THUMPD1: variants seen among roughly 807,000 people sequenced by gnomAD.
THUMPD1 encodes THUMP domain 1 NAT10 acetyltransferase adaptor.
THUMPD1 carries 31 observed loss-of-function variants against 31.6 expected under a neutral mutation model. The observed-to-expected ratio is 0.98, with a 90% CI of 0.74 to 1.32. The LOEUF (loss-of-function observed/expected upper bound fraction) is 1.32, where lower values mean the gene tolerates loss of function less well. THUMPD1 is among the 40% of genes most tolerant of loss of function. The pLI, the probability that THUMPD1 is intolerant of heterozygous loss-of-function variation, is 0.00. For missense variants in THUMPD1, 446 were observed against 427.8 expected, an observed-to-expected ratio of 1.04 and a Z score of -0.38; for synonymous variants, 166 against 158.2, an observed-to-expected ratio of 1.05 and a Z score of -0.37.
At chr16:20,737,339 T>C (rs1255536386) in intron 3 of THUMPD1, 53 bp from the exon 4 acceptor site, 57 of 1,518,656 alleles carry the variant, frequency 3.8e-5, no homozygotes, top group Middle Eastern at 1.8e-4. Context: ...TTACATCTGA[T>C]AGATACAAAA....
intron 3 of THUMPD1, 37 bp from the exon 4 acceptor site, chr16:20,737,323 A>T (rs2079879629): frequency 6.4e-7 from 1 of 1,561,512 alleles, no homozygotes; most frequent in Non-Finnish European, 8.6e-7. Flanking sequence ...GCTGAGGAGG[A>T]TACCATTACA....
chr16:20,735,627 G>C lies in THUMPD1; in HGVS notation c.*1253C>G, dbSNP rs550248282. ...CAGACCTCTGGTTATCAGATATGAT[G>C]TCACAACATTATATATTGGCCTTTG... On this transcript the variant is annotated 3_prime_UTR_variant, in exon 4 of 4. Transcript: ENST00000396083. 1 of 151,820 alleles carries C rather than the reference G, an allele frequency of 6.6e-6. No individual in the cohort carries two copies. The highest frequency in any genetic ancestry group is 2.1e-4 in the South Asian group (1 of 4,806). The allele number at this position is 151,820 out of a possible 1,614,324, so 9.4% of individuals were successfully genotyped here. A position where few individuals can be genotyped will look rare whatever the true frequency, so the allele number is the denominator to read the frequency against.
At position 20,741,666 on chromosome 16, in the gene THUMPD1, G is replaced by C; in HGVS notation, c.74C>G (p.Ala25Gly). The C allele has an allele frequency of 6.3e-7, 1 of 1,584,080 alleles. No homozygotes were observed. The highest frequency in any genetic ancestry group is 8.6e-7 in the Non-Finnish European group (1 of 1,165,490). ...KRKGKAQYVLAKRARRCDAGG... is the reference protein window; with the variant it reads ...KRKGKAQYVLGKRARRCDAGG... Reference sequence around the variant, plus strand: ...AGCGTCGCAGCGCCGAGCGCGCTTGGCCAGCACATACTGAGCCTTGCCTTT... The same window carrying C: ...AGCGTCGCAGCGCCGAGCGCGCTTGCCCAGCACATACTGAGCCTTGCCTTT... The change falls in exon 1 of 4, where the codon GCC becomes GGC. Residue 25 changes from alanine to glycine, a missense_variant. By Grantham distance (60) the Ala-to-Gly change is moderately conservative. Transcript: ENST00000396083.
rs11074471 is a variant in THUMPD1 at position 20,737,009 on chromosome 16, C to A, written c.933G>T (p.Glu311Asp). The A allele has an allele frequency of 0.14, 226,053 of 1,613,944 alleles. 16,630 individuals are homozygous for A. The highest frequency in any genetic ancestry group is 0.23 in the Middle Eastern group (1,411 of 6,062). Reference sequence around the variant, plus strand: ...TTGTCTGCCCCAGCTCCTCAGTATTCTCTGGTACCTGCTGGTTATTTTTTC... The same window carrying A: ...TTGTCTGCCCCAGCTCCTCAGTATTATCTGGTACCTGCTGGTTATTTTTTC... ...AEGKNNQQVP[E>D]NTEELGQTKP... The change falls in exon 4 of 4, where the codon GAG becomes GAT. Residue 311 changes from glutamate to aspartate, a missense_variant. Glu to Asp is a conservative substitution (Grantham distance 45). Transcript: ENST00000396083.
intron 1 of THUMPD1, among the ~76,000 whole-genome samples, chr16:20,741,170 G>T (rs543537731): frequency 6.6e-6 from 1 of 152,186 alleles, no homozygotes; most frequent in Non-Finnish European, 1.5e-5. Flanking sequence ...GCTGAGACAG[G>T]AGAAGTCGAG....
chr16:20,741,492 C>T lies in THUMPD1; in HGVS notation c.231+17G>A. On this transcript the variant is annotated intron_variant, in intron 1 of 3. Transcript: ENST00000396083. ...AGGCCTGGCAGCCGGCCCGCCCGCC[C>T]ACCCCGGGACCGGTACCTTTTCTGG... is the stretch of plus-strand genomic sequence containing the variant. 3 of 380,066 alleles carry T rather than the reference C, an allele frequency of 7.9e-6. No individual in the cohort carries two copies. The highest frequency in any genetic ancestry group is 1.2e-5 in the Non-Finnish European group (3 of 257,340). The allele number at this position is 380,066 out of a possible 1,614,324, so 23.5% of individuals were successfully genotyped here. A position where few individuals can be genotyped will look rare whatever the true frequency, so the allele number is the denominator to read the frequency against.
Position 20,737,071 on chromosome 16 carries a change from A to T in THUMPD1, c.871T>A (p.Ser291Thr). Reference protein sequence around the residue: ...QGNGKEAKLESADKSDQNNTA... With the variant: ...QGNGKEAKLETADKSDQNNTA... ...TTGTTTTGGTCTGATTTGTCCGCAG[A>T]TTCCAGTTTAGCTTCTTTCCCATTT... Residue 291 changes from serine to threonine, a missense_variant, in exon 4 of 4, where the codon TCT becomes ACT. Transcript: ENST00000396083. 1 of 1,614,122 alleles carries T rather than the reference A, an allele frequency of 6.2e-7. No individual in the cohort carries two copies. Among genetic ancestry groups the T allele is most frequent in the East Asian group, 2.2e-5 (1 of 44,882 alleles).
intron 3 of THUMPD1, 88 bp from the exon 4 acceptor site, chr16:20,737,374 A>G: frequency 3.0e-6 from 4 of 1,330,134 alleles, no homozygotes; most frequent in Non-Finnish European, 4.1e-6. Context: ...GTTTCTTGTT[A>G]AAACAAGACA....
intron 1 of THUMPD1, 28 bp downstream of exon 1, chr16:20,741,481 G>GGGGGGGGGGGCCCCCCCCCCCC: frequency 7.6e-7 from 1 of 1,308,406 alleles, no homozygotes; most frequent in Non-Finnish European, 9.9e-7. Context: ...CTGGCAGCCG[G>GGGGGGGGGGGCCCCCCCCCCCC]CCCGCCCGCC....
At position 20,736,553 on chromosome 16, in the gene THUMPD1, C is replaced by T; in HGVS notation, c.*327G>A. The T allele has an allele frequency of 4.2e-6, 1 of 235,496 alleles. No homozygotes were observed. The highest frequency in any genetic ancestry group is 5.0e-5 in the Admixed American group (1 of 20,052). 14.6% of individuals were successfully genotyped at this position (235,496 alleles called of 1,614,324 possible). On this transcript the variant is annotated 3_prime_UTR_variant, in exon 4 of 4. Transcript: ENST00000396083. ...ACTCCTTCCTTAGAATGAAAACTTC[C>T]CTCTGATTTTCTACTTCACAGGTAG...
intron 2 of THUMPD1, chr16:20,738,286 C>T (rs1420235231): frequency 4.8e-6 from 2 of 420,918 alleles, no homozygotes; most frequent in East Asian, 7.4e-5. Context: ...CAACAGAGTA[C>T]ATTAAACAGT....
At chr16:20,738,824 AAGC>A (rs1161485822) in intron 2 of THUMPD1, 70 bp downstream of exon 2, 2 of 1,529,300 alleles carry the variant, frequency 1.3e-6, no homozygotes, top group African/African-American at 2.7e-5. Context: ...GCCATTTTGT[AAGC>A]AGTATTCCCT....
At chr16:20,738,252 C>T (rs530837462) in intron 2 of THUMPD1, 3 of 482,320 alleles carry the variant, frequency 6.2e-6, no homozygotes, top group South Asian at 4.6e-5. Flanking sequence ...CCAACCGTAA[C>T]ACCATGCTGT....
chr16:20,736,658 G>A lies in THUMPD1; in HGVS notation c.*222C>T. 1 of 507,800 alleles carries A rather than the reference G, an allele frequency of 2.0e-6. No individual in the cohort carries two copies. The highest frequency in any genetic ancestry group is 3.5e-6 in the Non-Finnish European group (1 of 289,022). 31.5% of individuals were successfully genotyped at this position (507,800 alleles called of 1,614,324 possible). ...ATCCCCCTCCTATCCTCCCCTCTTT[G>A]CAACAGCAGCACATGGGTCTGCCTC... On this transcript the variant is annotated 3_prime_UTR_variant, in exon 4 of 4. Coordinates refer to ENST00000396083, the MANE Select transcript of THUMPD1 (RefSeq NM_017736.5).
At position 20,741,636 on chromosome 16, in the gene THUMPD1, C is replaced by T; in HGVS notation, c.104G>A (p.Gly35Glu). Residue 35 changes from glycine to glutamate, a missense_variant, in exon 1 of 4, where the codon GGG becomes GAG. Gly to Glu is a moderately conservative substitution (Grantham distance 98, BLOSUM62 -2). Coordinates refer to ENST00000396083, the MANE Select transcript of THUMPD1 (RefSeq NM_017736.5). Reference sequence around the variant, plus strand: ...TAGCCCGGGCTCTAGCTGACGGGGCCCGCCAGCGTCGCAGCGCCGAGCGCG... The same window carrying T: ...TAGCCCGGGCTCTAGCTGACGGGGCTCGCCAGCGTCGCAGCGCCGAGCGCG... The part of the protein sequence containing the change: ...AKRARRCDAG[G>E]PRQLEPGLQG... The T allele has an allele frequency of 6.3e-7, 1 of 1,581,010 alleles. No homozygotes were observed. The highest frequency in any genetic ancestry group is 8.6e-7 in the Non-Finnish European group (1 of 1,163,818).
chr16:20,734,445 T>C lies in THUMPD1; in HGVS notation c.*2435A>G, dbSNP rs2079852112. 6.6e-6 allele frequency: 1 copy of C among 152,548 alleles called. No homozygotes were observed. Among genetic ancestry groups the C allele is most frequent in the Non-Finnish European group, 1.5e-5 (1 of 68,052 alleles). The allele number at this position is 152,548 out of a possible 1,614,324, so 9.4% of individuals were successfully genotyped here. On this transcript the variant is annotated 3_prime_UTR_variant, in exon 4 of 4. Transcript: ENST00000396083. ...TATAGAAGGAAGGTCCTGCCTATTC[T>C]CTTTGCCCCTCTCAAATCATTCTAG...
At position 20,741,816 on chromosome 16, in the gene THUMPD1, G is replaced by T; in HGVS notation, c.-77C>A. 1 of 1,542,204 alleles carries T rather than the reference G, an allele frequency of 6.5e-7. No homozygotes were observed. On this transcript the variant is annotated 5_prime_UTR_variant, in exon 1 of 4. Transcript: ENST00000396083. ...TCCTCGTCTATCGCCGGCGCGAACT[G>T]GTGACGTCGGATATGAGCGACGGCC...
chr16:20,737,712 C>T lies in THUMPD1; in HGVS notation c.651G>A (p.Leu217=). 3.7e-6 allele frequency: 6 copies of T among 1,604,486 alleles called. No individual in the cohort carries two copies. Among genetic ancestry groups the T allele is most frequent in the Non-Finnish European group, 5.1e-6 (6 of 1,175,220 alleles). ...AAATCACTAAGAGAAACATACCTGC[C>T]AATTCTCTGATAACTTCTTCTCTAT... The part of the protein sequence containing the change: ...HVNREEVIRE[L]AGIVCTLNSE... Residue 217 remains leucine, a synonymous_variant, in exon 3 of 4, where the codon TTG becomes TTA. Transcript: ENST00000396083.
chr16:20,736,221 A>C lies in THUMPD1; in HGVS notation c.*659T>G, dbSNP rs1443764380. 6.6e-6 allele frequency: 1 copy of C among 152,174 alleles called. No homozygotes were observed. Among genetic ancestry groups the C allele is most frequent in the African/African-American group, 2.4e-5 (1 of 41,432 alleles). 9.4% of individuals were successfully genotyped at this position (152,174 alleles called of 1,614,324 possible). ...AGAATTTCTTTGTGTCCCTTGTTGC[A>C]CTAGTATACTGAAGTATACTCAGAA... On this transcript the variant is annotated 3_prime_UTR_variant, in exon 4 of 4. Coordinates refer to ENST00000396083, the MANE Select transcript of THUMPD1 (RefSeq NM_017736.5).
Sources: gnomAD v4.1 joint callset for allele counts (sites outside exome capture counted in the v4.1 genomes callset) on GRCh38, gnomAD v4.1.1 for gene constraint, MANE v1.5 for transcripts, NCBI Gene and HGNC (gene_info 2026-07-23, HGNC 2026-07-21) for gene names.